Variants in PTPRO observed in about 807,000 individuals in gnomAD.
PTPRO encodes the protein protein tyrosine phosphatase receptor type O.
A neutral mutation model predicts 145.2 loss-of-function variants in PTPRO; 62 were observed. The ratio of observed to expected loss-of-function variants is 0.43; its 90% CI spans 0.35 to 0.53. PTPRO has a LOEUF of 0.53. Ranked by LOEUF, PTPRO falls within the 20% of genes least tolerant of loss-of-function variation. PTPRO has a pLI of 0.01. For synonymous variants in PTPRO, 565 were observed against 514.7 expected (o/e 1.10, Z -1.32); for missense variants, 1,345 against 1,482.7 (o/e 0.91, Z 1.53).
chr12:15,391,547 A>C (rs893031568), intron 1 of PTPRO, among the ~76,000 whole-genome samples: 2 of 152,236 alleles, frequency 1.3e-5, no homozygotes, highest in African/African-American at 4.8e-5. Flanking sequence ...CCTCATGAAC[A>C]CTGCGATTCC....
At chr12:15,517,299 A>G (rs1003237157) in intron 9 of PTPRO, among the ~76,000 whole-genome samples, 2 of 152,162 alleles carry the variant, frequency 1.3e-5, no homozygotes, top group African/African-American at 4.8e-5. Context: ...CATGAGACTT[A>G]TTCACTATCA....
At chr12:15,434,408 C>T (rs11056483) in intron 1 of PTPRO, among the ~76,000 whole-genome samples, 1 of 152,114 alleles carries the variant, frequency 6.6e-6, no homozygotes, top group Non-Finnish European at 1.5e-5. Flanking sequence ...AAGGTAAAGA[C>T]TAAGGACAAG....
rs9634079 is a variant in PTPRO at position 15,480,962 on chromosome 12, G to T, written c.76-3012G>T. Among the ~76,000 whole-genome samples the T allele has an allele frequency of 5.6e-3, 852 of 152,288 alleles. 54 individuals carry two copies. In the East Asian group the frequency reaches 0.14, roughly 25 times the overall value. ...ATTTGTCCAGAGTATATGGTTATTT[G>T]CTGGAGAAACAGTCAGAGAGGAACT... is the stretch of plus-strand genomic sequence containing the variant. On this transcript the variant is annotated intron_variant, in intron 1 of 26. Coordinates refer to ENST00000281171, the MANE Select transcript of PTPRO (RefSeq NM_030667.3).
At chr12:15,554,116 G>A (rs1362701638) in intron 15 of PTPRO, among the ~76,000 whole-genome samples, 2 of 152,024 alleles carry the variant, frequency 1.3e-5, no homozygotes, top group Non-Finnish European at 2.9e-5. Context: ...CAGAGGTTGC[G>A]ATGAGCCGAG....
At chr12:15,545,495 A>G (rs1943265679) in intron 12 of PTPRO, among the ~76,000 whole-genome samples, 1 of 150,806 alleles carries the variant, frequency 6.6e-6, no homozygotes, top group South Asian at 2.1e-4. Context: ...GAAGACCAGG[A>G]GACATTCAGG....
intron 18 of PTPRO, among the ~76,000 whole-genome samples, chr12:15,569,033 A>G (rs1354755278): frequency 6.6e-6 from 1 of 152,204 alleles, no homozygotes; most frequent in African/African-American, 2.4e-5. Context: ...TAACACAGTC[A>G]ATAAAGCAAA....
intron 19 of PTPRO, 151 bp downstream of exon 19, chr12:15,569,649 G>A (rs1038071690): frequency 5.7e-6 from 4 of 703,416 alleles, no homozygotes; most frequent in Non-Finnish European, 9.8e-6. Flanking sequence ...TAGAGCAAGG[G>A]TTGTCAATCC....
chr12:15,581,181 A>G (rs1944306154), intron 22 of PTPRO, among the ~76,000 whole-genome samples: 1 of 152,186 alleles, frequency 6.6e-6, no homozygotes, highest in Admixed American at 6.5e-5. Flanking sequence ...GAGTCCCAAC[A>G]GGCTGTTTCA....
In PTPRO at chr12:15,359,656, C is replaced by T. The variant is rs117194328; in HGVS notation, c.75+36855C>T. 4.8e-3 allele frequency among the ~76,000 whole-genome samples: 730 copies of T among 151,880 alleles called. 4 individuals carry two copies. The highest frequency in any genetic ancestry group is 7.1e-3 in the Non-Finnish European group (482 of 67,938). Reference sequence around the variant, plus strand: ...CTGGTCTTGAACAAACTCTTGTGTGCGGATCAAGTGATCCACCTGCCTGGG... The same window carrying T: ...CTGGTCTTGAACAAACTCTTGTGTGTGGATCAAGTGATCCACCTGCCTGGG... On this transcript the variant is annotated intron_variant, in intron 1 of 26. Transcript: ENST00000281171.
intron 24 of PTPRO, 118 bp downstream of exon 24, chr12:15,587,169 T>G: frequency 8.8e-7 from 1 of 1,140,516 alleles, no homozygotes; most frequent in Non-Finnish European, 1.3e-6. Context: ...ACTCTGATGT[T>G]TTTTAAACTA....
intron 1 of PTPRO, among the ~76,000 whole-genome samples, chr12:15,361,438 CAAAAAAAAAAA>C (rs71042244): frequency 4.2e-5 from 3 of 71,302 alleles, no homozygotes; most frequent in Admixed American, 3.2e-4. Context: ...GACTCAGTCT[CAAAAAAAAAAA>C]AAAAAAAAAG....
chr12:15,545,252 G>C (rs1223696634), intron 12 of PTPRO, among the ~76,000 whole-genome samples: 1 of 151,786 alleles, frequency 6.6e-6, no homozygotes, highest in African/African-American at 2.4e-5. Flanking sequence ...CAAGTAACAA[G>C]CAGGAAGAAA....
At chr12:15,483,660 A>G (rs1941827095) in intron 1 of PTPRO, among the ~76,000 whole-genome samples, 1 of 152,070 alleles carries the variant, frequency 6.6e-6, no homozygotes, top group African/African-American at 2.4e-5. Context: ...CTCATTCATT[A>G]TTTACTCCTC....
chr12:15,577,181 T>C (rs1565441012), intron 19 of PTPRO, among the ~76,000 whole-genome samples: 1 of 152,212 alleles, frequency 6.6e-6, no homozygotes, highest in African/African-American at 2.4e-5. Flanking sequence ...ATAGTTTGTA[T>C]ATAAAACTGA....
intron 1 of PTPRO, among the ~76,000 whole-genome samples, chr12:15,473,294 G>A (rs1941581509): frequency 6.6e-6 from 1 of 152,110 alleles, no homozygotes; most frequent in Admixed American, 6.5e-5. Flanking sequence ...TCTTACTCAT[G>A]TGCCTCTGCT....
chr12:15,360,917 C>CGT (rs1379694438), intron 1 of PTPRO, among the ~76,000 whole-genome samples: 3 of 118,648 alleles, frequency 2.5e-5, no homozygotes, highest in Non-Finnish European at 5.5e-5. Flanking sequence ...TATATACACA[C>CGT]ATGTATATAC....
chr12:15,533,016 G>A (rs1370221224), intron 12 of PTPRO, among the ~76,000 whole-genome samples: 2 of 152,150 alleles, frequency 1.3e-5, no homozygotes, highest in Non-Finnish European at 2.9e-5. Context: ...ATACTTCACT[G>A]AAATTTCTAT....
At chr12:15,353,425 T>TTA (rs398116143) in intron 1 of PTPRO, among the ~76,000 whole-genome samples, 4 of 152,094 alleles carry the variant, frequency 2.6e-5, no homozygotes, top group Non-Finnish European at 5.9e-5. Flanking sequence ...TTTTTTTTTT[T>TTA]ACATTATTAA....
chr12:15,531,685 A>T (rs1044380723), intron 12 of PTPRO, among the ~76,000 whole-genome samples: 1 of 152,224 alleles, frequency 6.6e-6, no homozygotes, highest in East Asian at 1.9e-4. Context: ...AGACCTTTAG[A>T]GACAGTATGA....
Sources: allele counts gnomAD v4.1 joint callset (sites outside exome capture counted in the v4.1 genomes callset), GRCh38; gene constraint gnomAD v4.1.1; transcripts MANE v1.5; gene names NCBI Gene and HGNC (gene_info 2026-07-23, HGNC 2026-07-21).